PPIH: variants seen among roughly 807,000 people sequenced by gnomAD.
PPIH encodes the protein peptidyl-prolyl cis-trans isomerase H.
In PPIH, 16 loss-of-function variants were observed where a neutral mutation model predicts 27.6. That is an observed-to-expected ratio of 0.58 (90% CI 0.39 to 0.88). The LOEUF (loss-of-function observed/expected upper bound fraction) is 0.88. PPIH is among the 40% of genes least tolerant of loss of function. PPIH has a pLI of 0.00. For missense variants in PPIH, 155 were observed against 224.1 expected, an observed-to-expected ratio of 0.69 and a Z score of 1.97; for synonymous variants, 63 against 76.1, an observed-to-expected ratio of 0.83 and a Z score of 0.90.
At chr1:42,677,572 C>G (rs1649927675), downstream of PPIH, among the ~76,000 whole-genome samples, 1 of 152,192 alleles carries the variant, frequency 6.6e-6, no homozygotes, top group Non-Finnish European at 1.5e-5. Flanking sequence ...TACTCAGAAG[C>G]CTGAGGTGGG....
intron 5 of PPIH, among the ~76,000 whole-genome samples, chr1:42,664,224 T>G (rs1274145085): frequency 2.6e-5 from 4 of 152,222 alleles, no homozygotes; most frequent in Non-Finnish European, 5.9e-5. Context: ...GCTACACATC[T>G]GTGTTGTGTT....
At position 42,666,534 on chromosome 1, in the gene PPIH, G is replaced by A. The variant is rs771875524; in HGVS notation, c.425-13G>A. On this transcript the variant is annotated splice_polypyrimidine_tract_variant and intron_variant, in intron 7 of 9. Transcript: ENST00000304979. Reference sequence around the variant, plus strand: ...TAAACAAGAATAAAGTCCAGCTCATGCTCTTCCTACAGGAAAAATCATCGA... The same window carrying A: ...TAAACAAGAATAAAGTCCAGCTCATACTCTTCCTACAGGAAAAATCATCGA... 2.5e-6 allele frequency: 4 copies of A among 1,612,984 alleles called. No homozygotes were observed. The highest frequency in any genetic ancestry group is 1.1e-5 in the South Asian group (1 of 91,056).
chr1:42,659,363 G>A (rs1341723966), intron 3 of PPIH, 112 bp downstream of exon 3: 1 of 1,614,186 alleles, frequency 6.2e-7, no homozygotes, highest in Middle Eastern at 1.6e-4. Context: ...TGGTGACAGT[G>A]ATAGAAGGTA....
intron 9 of PPIH, among the ~76,000 whole-genome samples, chr1:42,671,930 C>T (rs1294374858): frequency 6.7e-6 from 1 of 149,308 alleles, no homozygotes; most frequent in African/African-American, 2.5e-5. Flanking sequence ...GTCGCCCAGG[C>T]TAGAGTGCAG....
chr1:42,681,031 C>T (rs1650004873), downstream of PPIH, among the ~76,000 whole-genome samples: 1 of 152,168 alleles, frequency 6.6e-6, no homozygotes, highest in East Asian at 1.9e-4. Flanking sequence ...CAGGCCTAGA[C>T]GGCATTGGTA....
chr1:42,659,588 C>CCTGG, intron 4 of PPIH, 22 bp downstream of exon 4: 1 of 1,601,608 alleles, frequency 6.2e-7, no homozygotes, highest in African/African-American at 1.3e-5. Context: ...GGCAAGCCAT[C>CCTGG]CTGGAGTCTT....
At chr1:42,671,289 G>A (rs557958537) in intron 9 of PPIH, among the ~76,000 whole-genome samples, 19 of 152,074 alleles carry the variant, frequency 1.2e-4, no homozygotes, top group Admixed American at 7.2e-4. Context: ...TTAGCCGGGC[G>A]TGATGACACA....
chr1:42,666,104 T>C, intron 7 of PPIH, 37 bp downstream of exon 7: 8 of 1,572,552 alleles, frequency 5.1e-6, no homozygotes, highest in Non-Finnish European at 7.0e-6. Flanking sequence ...CAGGCCCCAT[T>C]CACCCTGGAT....
At chr1:42,666,664 A>G (rs1231188767) in intron 8 of PPIH, 77 bp downstream of exon 8, 2 of 1,432,098 alleles carry the variant, frequency 1.4e-6, no homozygotes, top group Non-Finnish European at 2.0e-6. Context: ...GGAGCTAGAG[A>G]AGGGGGAATG....
At chr1:42,661,828 G>T (rs1322980805) in intron 5 of PPIH, among the ~76,000 whole-genome samples, 1 of 151,870 alleles carries the variant, frequency 6.6e-6, no homozygotes, top group African/African-American at 2.4e-5. Flanking sequence ...GTATAACTGT[G>T]AAATGGCACA....
At chr1:42,679,334 C>T (rs921390031), downstream of PPIH, among the ~76,000 whole-genome samples, 2 of 152,204 alleles carry the variant, frequency 1.3e-5, no homozygotes, top group African/African-American at 4.8e-5. Context: ...GGATTACAGG[C>T]ACATGCCACC....
At chr1:42,681,171 GCT>G (rs1351894478), downstream of PPIH, 1 of 151,964 alleles carries the variant, frequency 6.6e-6, no homozygotes, top group Non-Finnish European at 1.5e-5. Flanking sequence ...CTCTAAAATT[GCT>G]CTTCTCACTC....
Position 42,676,597 on chromosome 1 carries a change from C to CT in PPIH, c.*37dup, listed in dbSNP as rs1462166273. 6.6e-6 allele frequency: 1 copy of CT among 151,936 alleles called. No homozygotes were observed. The highest frequency in any genetic ancestry group is 1.5e-5 in the Non-Finnish European group (1 of 68,084). The allele number at this position is 151,936 out of a possible 1,614,324, so 9.4% of individuals were successfully genotyped here. A position where few individuals can be genotyped will look rare whatever the true frequency, so the allele number is the denominator to read the frequency against. ...CTGCCATTGTAGGCCTTCCCTTCTT[C>CT]TTGGTGGTGTTCTTGAGTAAGATAA... On this transcript the variant is annotated 3_prime_UTR_variant, in exon 10 of 10. Coordinates refer to ENST00000304979, the MANE Select transcript of PPIH (RefSeq NM_006347.4).
At chr1:42,662,313 A>G (rs1340942014) in intron 5 of PPIH, among the ~76,000 whole-genome samples, 1 of 152,188 alleles carries the variant, frequency 6.6e-6, no homozygotes, top group Non-Finnish European at 1.5e-5. Context: ...GGATGCTGGG[A>G]GGATTGCTTG....
At chr1:42,659,057 G>A in intron 2 of PPIH, 149 bp downstream of exon 2, 1 of 1,358,426 alleles carries the variant, frequency 7.4e-7, no homozygotes, top group Non-Finnish European at 1.0e-6. Context: ...GTTGCCGTTT[G>A]GATTGTTCCC....
chr1:42,664,892 C>T lies in PPIH; in HGVS notation c.273C>T (p.Tyr91=). 1.2e-6 allele frequency: 2 copies of T among 1,613,812 alleles called. No individual in the cohort carries two copies. The highest frequency in any genetic ancestry group is 8.5e-7 in the Non-Finnish European group (1 of 1,179,892). The change falls in exon 6 of 10, where the codon TAC becomes TAT. Residue 91 remains tyrosine (Y), a synonymous_variant. Transcript: ENST00000304979. ...ATGGTACTGGAGTCGCCAGTATTTA[C>T]CGGGGGCCATTTGCAGATGAAAATT... ...NGDGTGVASI[Y]RGPFADENFK...
chr1:42,659,282 C>G, intron 3 of PPIH, 31 bp downstream of exon 3: 1 of 1,614,194 alleles, frequency 6.2e-7, no homozygotes, highest in Non-Finnish European at 8.5e-7. Flanking sequence ...ACTTCTTTGC[C>G]TGCTCCAGAG....
At chr1:42,674,196 CG>C (rs1454850034) in intron 9 of PPIH, among the ~76,000 whole-genome samples, 1 of 152,162 alleles carries the variant, frequency 6.6e-6, no homozygotes, top group African/African-American at 2.4e-5. Context: ...CATAAATGCC[CG>C]GATCTTCCCA....
At chr1:42,679,768 CAGG>C (rs1649976835), downstream of PPIH, among the ~76,000 whole-genome samples, 1 of 152,226 alleles carries the variant, frequency 6.6e-6, no homozygotes, top group African/African-American at 2.4e-5. Flanking sequence ...TCAGTGTTGG[CAGG>C]ACTGCCTTTT....
Sources: allele counts gnomAD v4.1 joint callset (sites outside exome capture counted in the v4.1 genomes callset), GRCh38; gene constraint gnomAD v4.1.1; transcripts MANE v1.5; gene names NCBI Gene and HGNC (gene_info 2026-07-23, HGNC 2026-07-21).